IGSF3: variants seen among roughly 807,000 people sequenced by gnomAD.
IGSF3 encodes the protein glu-Trp-Ile EWI motif-containing protein 3.
Under a neutral mutation model 114.4 loss-of-function variants are expected in IGSF3, and 23 were observed. The ratio of observed to expected loss-of-function variants is 0.20; its 90% CI spans 0.14 to 0.28. IGSF3 has a LOEUF of 0.28. Among genes scored for constraint, IGSF3 ranks in the 10% least tolerant of loss-of-function variants. IGSF3 has a pLI of 1.00. For missense variants in IGSF3, 1,172 were observed against 1,591.5 expected (o/e 0.74, Z 4.48); for synonymous variants, 571 against 645.2 (o/e 0.88, Z 1.74).
At position 116,596,719 on chromosome 1, in the gene IGSF3, T is replaced by C. The variant is rs1479093653; in HGVS notation, c.2029+3222A>G. Among the ~76,000 whole-genome samples the C allele has an allele frequency of 6.6e-6, 1 of 152,212 alleles. No homozygotes were observed. The highest frequency in any genetic ancestry group is 1.5e-5 in the Non-Finnish European group (1 of 68,030). On this transcript the variant is annotated intron_variant, in intron 7 of 10. Transcript: ENST00000369486. The surrounding 1 kb of genome is among the most constrained non-coding windows in gnomAD (Gnocchi z 4.1). Reference sequence around the variant, plus strand: ...AACATATAATAATAAAATTAGGAACTTGGACTCTGGAGCCAAACTGCCTGT... The same window carrying C: ...AACATATAATAATAAAATTAGGAACCTGGACTCTGGAGCCAAACTGCCTGT...
In IGSF3 at chr1:116,642,668, G is replaced by A. The variant is rs1411996759; in HGVS notation, c.43+23616C>T. The stretch of plus-strand genomic sequence containing the variant: ...GATGGTTGGAACTGGGCGCTCCGAG[G>A]CTGTGGGCCGGTGTCCTGCCCTGAA... On this transcript the variant is annotated intron_variant, in intron 2 of 10. Coordinates refer to ENST00000369486, the MANE Select transcript of IGSF3 (RefSeq NM_001007237.3). The surrounding 1 kb of genome is among the most constrained non-coding windows in gnomAD (Gnocchi z 5.4). Among the ~76,000 whole-genome samples the A allele has an allele frequency of 1.3e-5, 2 of 152,258 alleles. No homozygotes were observed. Among genetic ancestry groups the A allele is most frequent in the African/African-American group, 4.8e-5 (2 of 41,474 alleles).
At chr1:116,619,380 A>G (rs1661338615) in intron 2 of IGSF3, among the ~76,000 whole-genome samples, 1 of 152,212 alleles carries the variant, frequency 6.6e-6, no homozygotes, top group Admixed American at 6.5e-5. Context: ...TGAATGAGCC[A>G]GGACAGCAGG....
chr1:116,578,013 T>A (rs1203536943), intron 10 of IGSF3, among the ~76,000 whole-genome samples: 1 of 152,156 alleles, frequency 6.6e-6, no homozygotes, highest in East Asian at 1.9e-4. Flanking sequence ...TGAGAGCAGT[T>A]TTACCAGAAA....
intron 2 of IGSF3, among the ~76,000 whole-genome samples, chr1:116,619,321 C>T (rs555553087): frequency 1.2e-4 from 18 of 152,274 alleles, no homozygotes; most frequent in African/African-American, 3.4e-4. Context: ...ACTCGGCCAG[C>T]GGATCATGCA....
In IGSF3 at chr1:116,600,149, C is replaced by T. The variant is rs1477821516; in HGVS notation, c.1821G>A (p.Gly607=). 6.2e-7 allele frequency: 1 copy of T among 1,614,020 alleles called. No individual in the cohort carries two copies. Among genetic ancestry groups the T allele is most frequent in the African/African-American group, 1.3e-5 (1 of 75,038 alleles). Reference sequence around the variant, plus strand: ...GGGTTCGGAAGCTGGAGGACCTGTCCCCCCACTGGACCCCTCCGTCCCGGG... The same window carrying T: ...GGGTTCGGAAGCTGGAGGACCTGTCTCCCCACTGGACCCCTCCGTCCCGGG... ...TFTRDGGVQW[G]DRSSSFRTRT... Residue 607 remains glycine, a synonymous_variant, in exon 7 of 11, where the codon GGG becomes GGA. Transcript: ENST00000369486. The surrounding 1 kb of genome is among the most constrained non-coding windows in gnomAD (Gnocchi z 5.5).
At position 116,643,577 on chromosome 1, in the gene IGSF3, C is replaced by T. The variant is rs188216882; in HGVS notation, c.43+22707G>A. Among the ~76,000 whole-genome samples, 3 of 152,362 alleles carry T rather than the reference C, an allele frequency of 2.0e-5. No homozygotes were observed. In the East Asian group the frequency reaches 5.8e-4, roughly 29 times the overall value. The stretch of plus-strand genomic sequence containing the variant: ...CTGTGGCCAGCCTGTCCCAGGCCCT[C>T]CCAGTCCCGTGAGGTCCTCCTGGGG... On this transcript the variant is annotated intron_variant, in intron 2 of 10. Transcript: ENST00000369486.
intron 2 of IGSF3, among the ~76,000 whole-genome samples, chr1:116,617,768 G>A (rs1479951495): frequency 6.6e-6 from 1 of 152,204 alleles, no homozygotes; most frequent in Non-Finnish European, 1.5e-5. Flanking sequence ...AAGAGCTGCT[G>A]GCTAAGACAT....
At chr1:116,623,678 G>A (rs1309020839) in intron 2 of IGSF3, among the ~76,000 whole-genome samples, 1 of 152,058 alleles carries the variant, frequency 6.6e-6, no homozygotes, top group African/African-American at 2.4e-5. Context: ...TCAAGGGACA[G>A]TCTAACCAAG....
In IGSF3 at chr1:116,651,063, A is replaced by T. The variant is rs1320715724; in HGVS notation, c.43+15221T>A. 6.6e-6 allele frequency among the ~76,000 whole-genome samples: 1 copy of T among 152,222 alleles called. No homozygotes were observed. Among genetic ancestry groups the T allele is most frequent in the African/African-American group, 2.4e-5 (1 of 41,456 alleles). The stretch of plus-strand genomic sequence containing the variant: ...TCCAGCCCACAACCCTTCAGACAGA[A>T]GTTCCAGGCACAAAAAGGAAGCTCA... On this transcript the variant is annotated intron_variant, in intron 2 of 10. Coordinates refer to ENST00000369486, the MANE Select transcript of IGSF3 (RefSeq NM_001007237.3). This position sits in a 1 kb window ranked among gnomAD's most constrained non-coding sequence, Gnocchi z 4.4.
rs1571118071 is a variant in IGSF3 at position 116,584,800 on chromosome 1, G to C, written c.2693C>G (p.Pro898Arg). The C allele has an allele frequency of 6.2e-7, 1 of 1,614,238 alleles. No individual in the cohort carries two copies. Among genetic ancestry groups the C allele is most frequent in the African/African-American group, 1.3e-5 (1 of 75,060 alleles). Residue 898 changes from proline to arginine, a missense_variant, in exon 9 of 11, where the codon CCC (proline) becomes CGC (arginine). By Grantham distance (103) the Pro-to-Arg change is moderately radical (BLOSUM62 -2). Coordinates refer to ENST00000369486, the MANE Select transcript of IGSF3 (RefSeq NM_001007237.3). The surrounding 1 kb of genome is among the most constrained non-coding windows in gnomAD (Gnocchi z 5.8). ...CTGGATGAAGAGACGGTACACGCCG[G>C]GGGAAGGACTCTCCAAATGCAGCCG... ...KGRLHLESPS[P>R]GVYRLFIQNV...
In IGSF3 at chr1:116,616,301, C is replaced by T. The variant is rs761485019; in HGVS notation, c.200G>A (p.Arg67Gln). The T allele has an allele frequency of 3.1e-6, 5 of 1,612,064 alleles. No homozygotes were observed. The highest frequency in any genetic ancestry group is 1.1e-5 in the South Asian group (1 of 90,984). The part of the protein sequence containing the change: ...WSIYLPSSPE[R>Q]EVQIVSTMDS... Reference sequence around the variant, plus strand: ...CATGGTGCTGACGATCTGCACCTCTCGCTCTGGCGACGAAGGCAGGTAAAT... The same window carrying T: ...CATGGTGCTGACGATCTGCACCTCTTGCTCTGGCGACGAAGGCAGGTAAAT... Residue 67 changes from arginine to glutamine, a missense_variant, in exon 3 of 11, where the codon CGA becomes CAA. Around this residue, in one of 3 missense-constraint regions of IGSF3, gnomAD observed 736 missense variants for 1,042.0 expected, o/e 0.71. Transcript: ENST00000369486. The surrounding 1 kb of genome is among the most constrained non-coding windows in gnomAD (Gnocchi z 6.6).
Position 116,612,850 on chromosome 1 carries a change from G to A in IGSF3, c.832+915C>T, listed in dbSNP as rs553799622. On this transcript the variant is annotated intron_variant, in intron 4 of 10. Transcript: ENST00000369486. This position sits in a 1 kb window ranked among gnomAD's most constrained non-coding sequence, Gnocchi z 4.1. ...GTGAGAACCTGCCCTCAGCCCAGCA[G>A]AGGCAGCCAGCAACAGCTGTCAGCT... Among the ~76,000 whole-genome samples, 526 of 152,378 alleles carry A rather than the reference G, an allele frequency of 3.5e-3. 2 individuals carry two copies. Among genetic ancestry groups the A allele is most frequent in the African/African-American group, 0.012 (509 of 41,590 alleles).
Position 116,577,966 on chromosome 1 carries a change from C to G in IGSF3, c.3335-404G>C, listed in dbSNP as rs1020106297. On this transcript the variant is annotated intron_variant, in intron 10 of 10. Transcript: ENST00000369486. This position sits in a 1 kb window ranked among gnomAD's most constrained non-coding sequence, Gnocchi z 5.7. Reference sequence around the variant, plus strand: ...ACTTAGTTCTGCTACAGACTTCCTTCTCTGGGATTATGACACAATCCCTTC... The same window carrying G: ...ACTTAGTTCTGCTACAGACTTCCTTGTCTGGGATTATGACACAATCCCTTC... Among the ~76,000 whole-genome samples, 12 of 152,170 alleles carry G rather than the reference C, an allele frequency of 7.9e-5. No homozygotes were observed. The highest frequency in any genetic ancestry group is 1.6e-4 in the Non-Finnish European group (11 of 68,048).
intron 2 of IGSF3, among the ~76,000 whole-genome samples, chr1:116,637,078 C>T (rs1395737217): frequency 2.3e-4 from 35 of 152,154 alleles, no homozygotes; most frequent in Admixed American, 1.6e-3. Flanking sequence ...CTTTTACTCA[C>T]GCTCCCTTAC....
chr1:116,667,527 A>ACTCCCCGCTCCCCGCTCCCCG (rs1200062071), intron 1 of IGSF3, 91 bp downstream of exon 1: 2 of 144,798 alleles, frequency 1.4e-5, no homozygotes, highest in Non-Finnish European at 3.0e-5. Context: ...CCCGCTCCCC[A>ACTCCCCGCTCCCCGCTCCCCG]CTCCCCGCTC....
chr1:116,648,569 T>C lies in IGSF3; in HGVS notation c.43+17715A>G, dbSNP rs1648499626. Among the ~76,000 whole-genome samples the C allele has an allele frequency of 6.6e-6, 1 of 152,202 alleles. No individual in the cohort carries two copies. The highest frequency in any genetic ancestry group is 2.4e-5 in the African/African-American group (1 of 41,440). ...CTTTGCCCTTAGGAAAACACCATGA[T>C]TCAGCCAGGCAAGATTGATGCAACA... is the stretch of plus-strand genomic sequence containing the variant. On this transcript the variant is annotated intron_variant, in intron 2 of 10. Transcript: ENST00000369486. The surrounding 1 kb of genome is among the most constrained non-coding windows in gnomAD (Gnocchi z 4.7).
chr1:116,581,552 C>T (rs945104443), intron 9 of IGSF3, among the ~76,000 whole-genome samples: 1 of 152,018 alleles, frequency 6.6e-6, no homozygotes, highest in Non-Finnish European at 1.5e-5. Context: ...GGCTTAGTGT[C>T]GCTCACAGGT....
chr1:116,582,548 T>G lies in IGSF3; in HGVS notation c.2848+2097A>C, dbSNP rs774845671. On this transcript the variant is annotated intron_variant, in intron 9 of 10. Coordinates refer to ENST00000369486, the MANE Select transcript of IGSF3 (RefSeq NM_001007237.3). The surrounding 1 kb of genome is among the most constrained non-coding windows in gnomAD (Gnocchi z 4.7). The stretch of plus-strand genomic sequence containing the variant: ...GGTGATTATTTTCCTAACAATACTT[T>G]TAGAGCTATATTATTTCAAGTCTTC... 6.6e-6 allele frequency among the ~76,000 whole-genome samples: 1 copy of G among 152,250 alleles called. No individual in the cohort carries two copies. The highest frequency in any genetic ancestry group is 1.9e-4 in the East Asian group (1 of 5,206).
rs1051221555 is a variant in IGSF3, at chr1:116,618,296, T to C, written c.44-1839A>G. Among the ~76,000 whole-genome samples, 15 of 152,242 alleles carry C rather than the reference T, an allele frequency of 9.9e-5. No homozygotes were observed. Among genetic ancestry groups the C allele is most frequent in the African/African-American group, 3.6e-4 (15 of 41,466 alleles). On this transcript the variant is annotated intron_variant, in intron 2 of 10. Coordinates refer to ENST00000369486, the MANE Select transcript of IGSF3 (RefSeq NM_001007237.3). The surrounding 1 kb of genome is among the most constrained non-coding windows in gnomAD (Gnocchi z 4.7). ...AATTTATTTGATATATTCTGGTTGATGGCATTAATTATGATATTTAAAGTA... is the reference window on the plus strand; with the variant it reads ...AATTTATTTGATATATTCTGGTTGACGGCATTAATTATGATATTTAAAGTA...
Sources: gnomAD v4.1 joint callset for allele counts (sites outside exome capture counted in the v4.1 genomes callset) on GRCh38, gnomAD v4.1.1 for gene constraint, gnomAD v4.1.1 regional missense constraint, Gnocchi (gnomAD v3.1) non-coding constraint, MANE v1.5 for transcripts, NCBI Gene and HGNC (gene_info 2026-07-23, HGNC 2026-07-21) for gene names.